The following RIPOR3 variants were observed in gnomAD, a reference collection of about 807,000 sequenced individuals.
RIPOR3 encodes family with sequence similarity 65 member C.
A neutral mutation model predicts 114.3 loss-of-function variants in RIPOR3; 95 were observed. That is an observed-to-expected ratio of 0.83 (90% CI 0.70 to 0.99). The LOEUF (loss-of-function observed/expected upper bound fraction) is 0.99. RIPOR3 is among the 50% of genes least tolerant of loss of function. The pLI is 0.00. For missense variants in RIPOR3, 1,252 were observed against 1,266.9 expected, an observed-to-expected ratio of 0.99 and a Z score of 0.18; for synonymous variants, 575 against 543.8, an observed-to-expected ratio of 1.06 and a Z score of -0.80.
chr20:50,666,294 G>A (rs768045189), intron 1 of RIPOR3, among the ~76,000 whole-genome samples: 22 of 145,486 alleles, frequency 1.5e-4, no homozygotes, highest in Admixed American at 1.0e-3. Flanking sequence ...GCGCAATCTC[G>A]GCTCACCGCA....
At chr20:50,619,440 C>CAAA (rs11483233) in intron 3 of RIPOR3, among the ~76,000 whole-genome samples, 4 of 96,404 alleles carry the variant, frequency 4.1e-5, no homozygotes, top group African/African-American at 6.9e-5. Flanking sequence ...GACTCCATCT[C>CAAA]AAAAAAAAAA....
At chr20:50,656,672 G>C (rs890384080) in intron 1 of RIPOR3, among the ~76,000 whole-genome samples, 2 of 151,874 alleles carry the variant, frequency 1.3e-5, no homozygotes, top group African/African-American at 4.8e-5. Context: ...GCTAATTTTT[G>C]TACTTTTAGT....
rs548943053 is a variant in RIPOR3, at chr20:50,609,035, C to T, written c.641-80G>A. 4 of 1,534,800 alleles carry T rather than the reference C, an allele frequency of 2.6e-6. No individual in the cohort carries two copies. In the African/African-American group the frequency reaches 4.1e-5, roughly 16 times the overall value. On this transcript the variant is annotated intron_variant, in intron 8 of 21. Coordinates refer to ENST00000327979, the MANE Select transcript of RIPOR3 (RefSeq NM_001290268.2). ...GACCACAGGTCCTCTCTGGGGTTCCCCCGAGTATAGATTTTCAGTTTCAGT... is the reference window on the plus strand; with the variant it reads ...GACCACAGGTCCTCTCTGGGGTTCCTCCGAGTATAGATTTTCAGTTTCAGT...
intron 1 of RIPOR3, among the ~76,000 whole-genome samples, chr20:50,635,350 C>T (rs2084947135): frequency 6.6e-6 from 1 of 152,140 alleles, no homozygotes; most frequent in Non-Finnish European, 1.5e-5. Flanking sequence ...CCCCATTTTG[C>T]AGATAAGGAA....
chr20:50,619,975 C>T lies in RIPOR3; in HGVS notation c.269+11G>A. ...TGCACTTCTTAAAGGCAGCACACAGCCCAGCCTTACTTGAGGCCTCTTTTC... is the reference window on the plus strand; with the variant it reads ...TGCACTTCTTAAAGGCAGCACACAGTCCAGCCTTACTTGAGGCCTCTTTTC... On this transcript the variant is annotated intron_variant, in intron 3 of 21. Coordinates refer to ENST00000327979, the MANE Select transcript of RIPOR3 (RefSeq NM_001290268.2). 1 of 1,610,158 alleles carries T rather than the reference C, an allele frequency of 6.2e-7. No individual in the cohort carries two copies. The highest frequency in any genetic ancestry group is 8.5e-7 in the Non-Finnish European group (1 of 1,176,788).
Position 50,609,598 on chromosome 20 carries a change from C to A in RIPOR3, c.551G>T (p.Gly184Val). ...CTCGGCGCACTCGTGCAGGCTGCGG[C>A]CCAGCTCCTGCAGGCTCTCTCGGGC... ...RAARESLQEL[G>V]RSLHECAEDM... The change falls in exon 7 of 22, where the codon GGC (glycine) becomes GTC (valine). Residue 184 changes from glycine to valine, a missense_variant. Physicochemically the swap from Gly to Val is moderately radical, Grantham distance 109. Coordinates refer to ENST00000327979, the MANE Select transcript of RIPOR3 (RefSeq NM_001290268.2). 1 of 1,417,730 alleles carries A rather than the reference C, an allele frequency of 7.1e-7. No individual in the cohort carries two copies. The highest frequency in any genetic ancestry group is 9.2e-7 in the Non-Finnish European group (1 of 1,089,762). The allele number at this position is 1,417,730 out of a possible 1,614,324, so 87.8% of individuals were successfully genotyped here. A position where few individuals can be genotyped will look rare whatever the true frequency, so the allele number is the denominator to read the frequency against.
intron 1 of RIPOR3, among the ~76,000 whole-genome samples, chr20:50,670,158 C>G (rs1373766661): frequency 6.1e-5 from 3 of 49,242 alleles, no homozygotes; most frequent in Non-Finnish European, 8.0e-5. Context: ...AACTCCATCT[C>G]AAAAAAAAAA....
At chr20:50,637,018 A>T in intron 1 of RIPOR3, 1 of 687,484 alleles carries the variant, frequency 1.5e-6, no homozygotes, top group Non-Finnish European at 1.8e-6. Context: ...TTGGTTTCGC[A>T]TGAAAGGAAA....
rs2083873780 is a variant in RIPOR3 at position 50,609,622 on chromosome 20, G to A, written c.527C>T (p.Ala176Val). The part of the protein sequence containing the change: ...AFARCPPSRA[A>V]RESLQELGRS... Reference sequence around the variant, plus strand: ...GCCCAGCTCCTGCAGGCTCTCTCGGGCTGCGCGGCTCGGGGGGCACCGGGC... The same window carrying A: ...GCCCAGCTCCTGCAGGCTCTCTCGGACTGCGCGGCTCGGGGGGCACCGGGC... Residue 176 changes from alanine (A) to valine (V), a missense_variant, in exon 7 of 22, where the codon GCC becomes GTC. Physicochemically the swap from Ala to Val is moderately conservative, Grantham distance 64 (BLOSUM62 0). Transcript: ENST00000327979. 2 of 1,409,618 alleles carry A rather than the reference G, an allele frequency of 1.4e-6. No homozygotes were observed. Among genetic ancestry groups the A allele is most frequent in the South Asian group, 1.6e-5 (1 of 61,620 alleles). The allele number at this position is 1,409,618 out of a possible 1,614,324, so 87.3% of individuals were successfully genotyped here. A position where few individuals can be genotyped will look rare whatever the true frequency, so the allele number is the denominator to read the frequency against.
At chr20:50,604,617 C>T (rs773831892) in intron 12 of RIPOR3, 28 bp downstream of exon 12, 45 of 1,589,136 alleles carry the variant, frequency 2.8e-5, no homozygotes, top group Admixed American at 7.2e-5. Flanking sequence ...GTGACCACAG[C>T]GGCCCTGCCC....
intron 3 of RIPOR3, among the ~76,000 whole-genome samples, chr20:50,617,242 T>C (rs180809504): frequency 2.1e-3 from 326 of 152,282 alleles, no homozygotes; most frequent in Admixed American, 3.3e-3. Flanking sequence ...TCACACTCTC[T>C]GGGCTCTACT....
intron 1 of RIPOR3, among the ~76,000 whole-genome samples, chr20:50,688,086 G>C (rs6020693): frequency 0.14 from 20,789 of 152,154 alleles, 1,493 homozygotes; most frequent in East Asian, 0.22. Context: ...ATTGATGAAG[G>C]AGTGTAATTC....
intron 1 of RIPOR3, among the ~76,000 whole-genome samples, chr20:50,633,289 A>T (rs1421529315): frequency 6.6e-6 from 1 of 152,182 alleles, no homozygotes; most frequent in Non-Finnish European, 1.5e-5. Context: ...AAAACAAAAA[A>T]TAGTCAATTG....
At chr20:50,626,819 C>T (rs1600619356) in intron 2 of RIPOR3, among the ~76,000 whole-genome samples, 1 of 152,142 alleles carries the variant, frequency 6.6e-6, no homozygotes, top group East Asian at 1.9e-4. Flanking sequence ...GTCAGGAGTT[C>T]CAGACCAGCC....
chr20:50,637,998 G>A (rs996300608), intron 1 of RIPOR3, among the ~76,000 whole-genome samples: 1 of 151,880 alleles, frequency 6.6e-6, no homozygotes, highest in Non-Finnish European at 1.5e-5. Context: ...TCCACATGGT[G>A]TGAGCCACCA....
At chr20:50,654,734 T>A (rs1156839924) in intron 1 of RIPOR3, among the ~76,000 whole-genome samples, 1 of 151,882 alleles carries the variant, frequency 6.6e-6, no homozygotes, top group Non-Finnish European at 1.5e-5. Flanking sequence ...TTTGGTGGGG[T>A]TTTTTTGTTT....
intron 1 of RIPOR3, among the ~76,000 whole-genome samples, chr20:50,690,123 C>T (rs2087159336): frequency 6.6e-6 from 1 of 152,216 alleles, no homozygotes; most frequent in Non-Finnish European, 1.5e-5. Flanking sequence ...ATATGTGATT[C>T]CCCCCAGGGG....
intron 4 of RIPOR3, among the ~76,000 whole-genome samples, chr20:50,615,760 A>G (rs1446388136): frequency 6.6e-6 from 1 of 152,186 alleles, no homozygotes; most frequent in Non-Finnish European, 1.5e-5. Flanking sequence ...ATGCACCTCC[A>G]TACACTGCCC....
chr20:50,630,395 C>T (rs1362228061), intron 2 of RIPOR3, among the ~76,000 whole-genome samples: 1 of 152,180 alleles, frequency 6.6e-6, no homozygotes, highest in Non-Finnish European at 1.5e-5. Flanking sequence ...GGATTATAGG[C>T]GTGAGTCACT....
Sources: allele counts gnomAD v4.1 joint callset (sites outside exome capture counted in the v4.1 genomes callset), GRCh38; gene constraint gnomAD v4.1.1; transcripts MANE v1.5; gene names NCBI Gene and HGNC (gene_info 2026-07-23, HGNC 2026-07-21).